SPTLC2: variants seen among roughly 807,000 people sequenced by gnomAD.
SPTLC2 encodes the protein serine palmitoyltransferase long chain base subunit 2.
Under a neutral mutation model 62.0 loss-of-function variants are expected in SPTLC2, and 21 were observed. The observed-to-expected ratio is 0.34, with a 90% CI of 0.24 to 0.49. The LOEUF (loss-of-function observed/expected upper bound fraction) is 0.49. SPTLC2 is among the 20% of genes least tolerant of loss of function. SPTLC2 has a pLI of 0.99. For missense variants in SPTLC2, 511 were observed against 713.0 expected (o/e 0.72, Z 3.23); for synonymous variants, 261 against 261.8 (o/e 1.00, Z 0.03).
intron 5 of SPTLC2, among the ~76,000 whole-genome samples, chr14:77,566,662 G>A (rs1358867670): frequency 2.0e-5 from 3 of 152,116 alleles, no homozygotes; most frequent in South Asian, 2.1e-4. Context: ...GGGTTTCACC[G>A]TGTTAGCCAG....
At position 77,570,457 on chromosome 14, in the gene SPTLC2, C is replaced by G. The variant is rs1388077634; in HGVS notation, c.683G>C (p.Gly228Ala). ...ELEELVARFLGVEAAMAYGMG... is the reference protein window; with the variant it reads ...ELEELVARFLAVEAAMAYGMG... ...GCCATACGCCATAGCAGCTTCTACT[C>G]CTAAGAACCTTGCTACAAGCTCCTC... The change falls in exon 5 of 12, where the codon GGA becomes GCA. Residue 228 changes from glycine (G) to alanine (A), a missense_variant. Physicochemically the swap from Gly to Ala is moderately conservative, Grantham distance 60 (BLOSUM62 0). Coordinates refer to ENST00000216484, the MANE Select transcript of SPTLC2 (RefSeq NM_004863.4). 1 of 1,614,004 alleles carries G rather than the reference C, an allele frequency of 6.2e-7. No homozygotes were observed. Among genetic ancestry groups the G allele is most frequent in the East Asian group, 2.2e-5 (1 of 44,860 alleles).
chr14:77,521,343 A>AGTGT lies in SPTLC2; in HGVS notation c.1439+102_1439+103insACAC, dbSNP rs2079383906. ...ATATGTACCAAATGAAGGTTAACAC[A>AGTGT]GTAAGGACAAGACCATTTTCCCTAA... On this transcript the variant is annotated intron_variant, in intron 10 of 11. Coordinates refer to ENST00000216484, the MANE Select transcript of SPTLC2 (RefSeq NM_004863.4). The AGTGT allele has an allele frequency of 7.7e-6, 11 of 1,436,488 alleles. No homozygotes were observed. The South Asian group carries it at 1.0e-4, about 14-fold the overall frequency. 89.0% of individuals were successfully genotyped at this position (1,436,488 alleles called of 1,614,324 possible).
intron 9 of SPTLC2, chr14:77,547,460 A>G (rs1038808827): frequency 3.3e-5 from 5 of 152,192 alleles, no homozygotes; most frequent in Admixed American, 3.3e-4. Context: ...GACAGGCAGG[A>G]AAGTCTCTCT....
chr14:77,589,487 T>C (rs985654345), intron 2 of SPTLC2, among the ~76,000 whole-genome samples: 9 of 151,932 alleles, frequency 5.9e-5, no homozygotes, highest in African/African-American at 2.2e-4. Flanking sequence ...TTAAACTTTT[T>C]TTTTTTTTTT....
intron 10 of SPTLC2, among the ~76,000 whole-genome samples, chr14:77,519,541 A>G (rs866127918): frequency 1.3e-5 from 2 of 151,870 alleles, no homozygotes; most frequent in African/African-American, 2.4e-5. Flanking sequence ...ACATGGTTAG[A>G]CCCCATCTCC....
At chr14:77,616,308 C>T in intron 1 of SPTLC2, 140 bp downstream of exon 1, 1 of 408,296 alleles carries the variant, frequency 2.4e-6, no homozygotes, top group Non-Finnish European at 3.8e-6. Flanking sequence ...GGGCCAGCGG[C>T]CGGACACTGC....
chr14:77,523,996 C>T (rs773958959), intron 9 of SPTLC2, among the ~76,000 whole-genome samples: 3 of 151,814 alleles, frequency 2.0e-5, no homozygotes, highest in Non-Finnish European at 2.9e-5. Context: ...CCAAAAATAA[C>T]GGAGTATTAG....
intron 9 of SPTLC2, among the ~76,000 whole-genome samples, chr14:77,538,727 C>T (rs1405846319): frequency 6.6e-6 from 1 of 152,030 alleles, no homozygotes; most frequent in Non-Finnish European, 1.5e-5. Context: ...TGCGTCACCA[C>T]ATCTGGCTAA....
intron 2 of SPTLC2, among the ~76,000 whole-genome samples, chr14:77,582,979 C>T (rs7152099): frequency 0.22 from 32,791 of 151,920 alleles, 3,728 homozygotes; most frequent in Middle Eastern, 0.35. Flanking sequence ...GCGGGTGGAT[C>T]GCTTGAGCCC....
rs927346337 is a variant in SPTLC2 at position 77,568,650 on chromosome 14, T to C, written c.756+1734A>G. Among the ~76,000 whole-genome samples the C allele has an allele frequency of 4.6e-5, 7 of 152,000 alleles. No individual in the cohort carries two copies. The South Asian group carries it at 1.5e-3, about 32-fold the overall frequency. ...GGTGAAACCCCGTCTGTACTAAAAA[T>C]ACAAAATATTAGCCAGGTGTGGTGG... On this transcript the variant is annotated intron_variant, in intron 5 of 11. Transcript: ENST00000216484.
At chr14:77,534,795 C>T (rs1165141675) in intron 9 of SPTLC2, among the ~76,000 whole-genome samples, 1 of 152,146 alleles carries the variant, frequency 6.6e-6, no homozygotes, top group Non-Finnish European at 1.5e-5. Context: ...AGACCCTGGA[C>T]ATTCTGCAGC....
chr14:77,581,430 G>C (rs927011987), intron 2 of SPTLC2, among the ~76,000 whole-genome samples: 4 of 46,224 alleles, frequency 8.7e-5, no homozygotes, highest in Non-Finnish European at 2.4e-4. Flanking sequence ...TTTTTTTTGA[G>C]GCAGAGTTTC....
At chr14:77,529,058 G>T (rs1242874438) in intron 9 of SPTLC2, among the ~76,000 whole-genome samples, 1 of 151,918 alleles carries the variant, frequency 6.6e-6, no homozygotes, top group African/African-American at 2.4e-5. Context: ...GGCTGGTCTT[G>T]AACGTCTGAC....
Position 77,597,200 on chromosome 14 carries a change from T to C in SPTLC2, c.313A>G (p.Arg105Gly). 1 of 1,614,172 alleles carries C rather than the reference T, an allele frequency of 6.2e-7. No homozygotes were observed. The highest frequency in any genetic ancestry group is 8.5e-7 in the Non-Finnish European group (1 of 1,180,006). ...CTAACAGTTACCTTTTGTTCTTCTC[T>C]TTCTGTTGCATGGTGACACTTTTCA... ...RIEKCHHATE[R>G]EEQKDFVSLY... is the part of the protein sequence containing the mutation. The change falls in exon 2 of 12, where the codon AGA becomes GGA. Residue 105 changes from arginine to glycine, a missense_variant. Arg to Gly is a moderately radical substitution (Grantham distance 125, BLOSUM62 -2). Coordinates refer to ENST00000216484, the MANE Select transcript of SPTLC2 (RefSeq NM_004863.4).
At chr14:77,582,731 C>T (rs181677645) in intron 2 of SPTLC2, among the ~76,000 whole-genome samples, 1 of 152,288 alleles carries the variant, frequency 6.6e-6, no homozygotes, top group East Asian at 1.9e-4. Context: ...GATTAAGTCA[C>T]AGTAGCACAG....
intron 1 of SPTLC2, among the ~76,000 whole-genome samples, chr14:77,612,198 T>A (rs1466106662): frequency 2.0e-5 from 3 of 152,192 alleles, no homozygotes; most frequent in African/African-American, 7.2e-5. Flanking sequence ...ATTCTACCAA[T>A]AAACACTGCT....
Position 77,557,113 on chromosome 14 carries a change from G to C in SPTLC2, c.884C>G (p.Ala295Gly). The change falls in exon 7 of 12, where the codon GCC (alanine) becomes GGC (glycine). Residue 295 changes from alanine (A) to glycine (G), a missense_variant. By Grantham distance (60) the Ala-to-Gly change is moderately conservative. Transcript: ENST00000216484. ...TGTCCGAGGCTGACCATAAACAATG[G>C]CATCTTTCAATAGCTTCTCTAGGCT... is the stretch of plus-strand genomic sequence containing the variant. ...MQSLEKLLKD[A>G]IVYGQPRTRR... 6.2e-7 allele frequency: 1 copy of C among 1,613,732 alleles called. No individual in the cohort carries two copies. Among genetic ancestry groups the C allele is most frequent in the Non-Finnish European group, 8.5e-7 (1 of 1,180,010 alleles).
chr14:77,614,595 T>C (rs1034403086), intron 1 of SPTLC2, among the ~76,000 whole-genome samples: 4 of 149,354 alleles, frequency 2.7e-5, no homozygotes, highest in African/African-American at 7.5e-5. Context: ...ACCTGGGAGG[T>C]AGAGCTTGCA....
intron 2 of SPTLC2, among the ~76,000 whole-genome samples, chr14:77,586,137 G>T (rs534182766): frequency 6.7e-6 from 1 of 148,314 alleles, no homozygotes; most frequent in South Asian, 2.1e-4. Flanking sequence ...GTGCAGTGAC[G>T]CAATCTAGAC....
Sources: gnomAD v4.1 joint callset for allele counts (sites outside exome capture counted in the v4.1 genomes callset) on GRCh38, gnomAD v4.1.1 for gene constraint, MANE v1.5 for transcripts, NCBI Gene and HGNC (gene_info 2026-07-23, HGNC 2026-07-21) for gene names.